The following COL4A2 variants were observed in gnomAD, a reference collection of about 807,000 sequenced individuals.
COL4A2 encodes collagen type IV alpha 2 chain, also known as collagen alpha-2(IV) chain.
Under a neutral mutation model 200.2 loss-of-function variants are expected in COL4A2, and 99 were observed. The ratio of observed to expected loss-of-function variants is 0.49; its 90% CI spans 0.42 to 0.58. The LOEUF is 0.58. Among genes scored for constraint, COL4A2 ranks in the 20% least tolerant of loss-of-function variants. COL4A2 has a pLI of 0.00. For missense variants in COL4A2, 1,950 were observed against 2,314.1 expected (o/e 0.84, Z 3.23); for synonymous variants, 897 against 900.6 (o/e 1.00, Z 0.07).
intron 3 of COL4A2, among the ~76,000 whole-genome samples, chr13:110,330,440 A>G (rs1267529701): frequency 6.6e-6 from 1 of 152,218 alleles, no homozygotes; most frequent in African/African-American, 2.4e-5. Flanking sequence ...AGCTCTTCCC[A>G]GCCAGAATGT....
At chr13:110,428,435 T>C in intron 6 of COL4A2, 32 bp from the exon 7 acceptor site, 1 of 1,313,410 alleles carries the variant, frequency 7.6e-7, no homozygotes, top group South Asian at 1.3e-5. Context: ...AGCCTGCTGG[T>C]TGGCTGATTC....
intron 3 of COL4A2, among the ~76,000 whole-genome samples, chr13:110,342,967 C>G (rs536382683): frequency 6.6e-6 from 1 of 152,170 alleles, no homozygotes; most frequent in Non-Finnish European, 1.5e-5. Context: ...CAGGGTAGAG[C>G]TGGCTCCTAA....
intron 17 of COL4A2, 84 bp from the exon 18 acceptor site, chr13:110,446,714 G>T: frequency 8.4e-7 from 1 of 1,197,410 alleles, no homozygotes; most frequent in Non-Finnish European, 1.2e-6. Flanking sequence ...GTCCACGCTC[G>T]GGTTTCTTCT....
chr13:110,449,710 C>A lies in COL4A2; in HGVS notation c.1110C>A (p.Ala370=). ...GARGDPGFPG[A]QGEPGSQGEP... is the part of the protein sequence containing the mutation. ...GAGGTGACCCGGGATTCCCAGGGGC[C>A]CAAGGGGAGCCAGGAAGCCAGGGTG... The change falls in exon 19 of 48, where the codon GCC becomes GCA. Residue 370 remains alanine (A), a synonymous_variant. Transcript: ENST00000360467. 6.5e-7 allele frequency: 1 copy of A among 1,549,902 alleles called. No individual in the cohort carries two copies. The highest frequency in any genetic ancestry group is 1.2e-5 in the South Asian group (1 of 83,988).
At chr13:110,356,608 C>G (rs944636210) in intron 3 of COL4A2, among the ~76,000 whole-genome samples, 1 of 152,182 alleles carries the variant, frequency 6.6e-6, no homozygotes, top group Non-Finnish European at 1.5e-5. Context: ...TCCACATGTC[C>G]AGGCAGAAGG....
intron 4 of COL4A2, among the ~76,000 whole-genome samples, chr13:110,406,928 G>C (rs1190077630): frequency 6.6e-6 from 1 of 152,146 alleles, no homozygotes; most frequent in East Asian, 1.9e-4. Context: ...AGTCTGCCTT[G>C]TTCCCCTTAT....
At chr13:110,378,284 C>T (rs1878326201) in intron 4 of COL4A2, among the ~76,000 whole-genome samples, 1 of 152,144 alleles carries the variant, frequency 6.6e-6, no homozygotes. Context: ...GTAAATAAAA[C>T]TCAGATGTAA....
intron 4 of COL4A2, among the ~76,000 whole-genome samples, chr13:110,392,243 C>T (rs775856034): frequency 1.3e-5 from 2 of 152,156 alleles, no homozygotes; most frequent in African/African-American, 2.4e-5. Flanking sequence ...TTTAAAAGAA[C>T]CAATATGAAG....
At chr13:110,483,318 A>G in intron 32 of COL4A2, among the ~76,000 whole-genome samples, 1 of 152,322 alleles carries the variant, frequency 6.6e-6, no homozygotes, top group East Asian at 1.9e-4. Flanking sequence ...GCAGGAGTGT[A>G]AAACGCTGCG....
chr13:110,416,033 A>G (rs140936467), intron 4 of COL4A2, among the ~76,000 whole-genome samples: 142 of 152,354 alleles, frequency 9.3e-4, no homozygotes, highest in African/African-American at 3.0e-3. Flanking sequence ...AGTATAGACA[A>G]TTAGCTCTTT....
intron 3 of COL4A2, among the ~76,000 whole-genome samples, chr13:110,332,875 A>G (rs9559771): frequency 0.11 from 16,711 of 152,280 alleles, 1,200 homozygotes; most frequent in East Asian, 0.37. Context: ...GCTGAGCTCA[A>G]AGTCCTTCAC....
intron 16 of COL4A2, among the ~76,000 whole-genome samples, chr13:110,442,935 C>T (rs1453615916): frequency 6.7e-6 from 1 of 148,688 alleles, no homozygotes; most frequent in Non-Finnish European, 1.5e-5. Flanking sequence ...CAACACGCGT[C>T]GTGTTGTGGG....
intron 38 of COL4A2, 43 bp from the exon 39 acceptor site, chr13:110,493,168 C>T: frequency 6.2e-7 from 1 of 1,610,868 alleles, no homozygotes. Flanking sequence ...ATGAGTGACA[C>T]CCCCGCAGGT....
intron 22 of COL4A2, 26 bp downstream of exon 22, chr13:110,458,960 T>A: frequency 1.3e-6 from 2 of 1,518,842 alleles, no homozygotes; most frequent in Non-Finnish European, 1.8e-6. Context: ...ATCATGAAGC[T>A]GGCAAGACAC....
intron 34 of COL4A2, among the ~76,000 whole-genome samples, chr13:110,487,660 T>C (rs1377494838): frequency 6.6e-6 from 1 of 152,232 alleles, no homozygotes; most frequent in Non-Finnish European, 1.5e-5. Flanking sequence ...ATGAGAATTC[T>C]TGGTAAAATC....
Position 110,477,879 on chromosome 13 carries a change from G to A in COL4A2, c.2426-124G>A, listed in dbSNP as rs9559818. On this transcript the variant is annotated intron_variant, in intron 29 of 47. Transcript: ENST00000360467. ...CCTTTATACTTCTTTGTGTTTTCCTGATTCTCTAGAGTCCAGAAAAGCATG... is the reference window on the plus strand; with the variant it reads ...CCTTTATACTTCTTTGTGTTTTCCTAATTCTCTAGAGTCCAGAAAAGCATG... 0.45 allele frequency: 443,064 copies of A among 986,188 alleles called. 100,125 individuals carry two copies. The highest frequency in any genetic ancestry group is 0.52 in the Middle Eastern group (2,253 of 4,308). The allele number at this position is 986,188 out of a possible 1,614,324, so 61.1% of individuals were successfully genotyped here. A position where few individuals can be genotyped will look rare whatever the true frequency, so the allele number is the denominator to read the frequency against.
Position 110,505,358 on chromosome 13 carries a change from AAAAG to A in COL4A2, c.4403-1053_4403-1050del, listed in dbSNP as rs1346889725. On this transcript the variant is annotated intron_variant, in intron 45 of 47. Transcript: ENST00000360467. ...GAGCGAGACTCCGTCTCAAAAAAAA[AAAAG>A]AAAATTAAACATGGGTAGTACTATT... Among the ~76,000 whole-genome samples, 10 of 152,312 alleles carry A rather than the reference AAAAG, an allele frequency of 6.6e-5. No individual in the cohort carries two copies. In the East Asian group the frequency reaches 1.4e-3, roughly 21 times the overall value.
intron 24 of COL4A2, among the ~76,000 whole-genome samples, chr13:110,463,666 G>A (rs1882122322): frequency 6.6e-6 from 1 of 152,198 alleles, no homozygotes; most frequent in East Asian, 1.9e-4. Context: ...CCGAGTACCT[G>A]GGACCACAGG....
intron 12 of COL4A2, 102 bp from the exon 13 acceptor site, chr13:110,436,167 C>G (rs768477287): frequency 6.5e-7 from 1 of 1,531,522 alleles, no homozygotes; most frequent in Admixed American, 1.7e-5. Context: ...AAGTAATATG[C>G]AAACATTAAA....
Sources: allele counts gnomAD v4.1 joint callset (sites outside exome capture counted in the v4.1 genomes callset), GRCh38; gene constraint gnomAD v4.1.1; transcripts MANE v1.5; gene names NCBI Gene and HGNC (gene_info 2026-07-23, HGNC 2026-07-21).